The following PTPRD variants were observed in gnomAD, a reference collection of about 807,000 sequenced individuals.
The protein encoded by PTPRD is protein tyrosine phosphatase receptor type D.
A neutral mutation model predicts 214.5 loss-of-function variants in PTPRD; 34 were observed. That is an observed-to-expected ratio of 0.16 (90% CI 0.12 to 0.21). PTPRD has a LOEUF of 0.21. Ranked by LOEUF, PTPRD falls within the 10% of genes least tolerant of loss-of-function variation. The pLI, the probability that PTPRD is intolerant of heterozygous loss-of-function variation, is 1.00. For missense variants in PTPRD, 2,545 were observed against 2,398.7 expected, an observed-to-expected ratio of 1.06 and a Z score of -1.27; for synonymous variants, 1,128 against 845.7, an observed-to-expected ratio of 1.33 and a Z score of -5.79.
intron 5 of PTPRD, among the ~76,000 whole-genome samples, chr9:9,908,790 T>G (rs2078350258): frequency 1.3e-5 from 2 of 152,106 alleles, no homozygotes; most frequent in South Asian, 4.1e-4. Context: ...GAAACTTATC[T>G]TTGGGAAGTT....
chr9:9,902,911 A>G (rs564005503), intron 5 of PTPRD, among the ~76,000 whole-genome samples: 16 of 152,260 alleles, frequency 1.1e-4, no homozygotes, highest in African/African-American at 3.8e-4. Context: ...TTTGTGTAAT[A>G]TCAAAAGTGT....
chr9:8,717,308 A>G (rs954840868), intron 12 of PTPRD, among the ~76,000 whole-genome samples: 2 of 152,202 alleles, frequency 1.3e-5, no homozygotes, highest in African/African-American at 2.4e-5. Flanking sequence ...TCCCCAACCT[A>G]CGTCTCATCC....
At chr9:9,131,808 G>A (rs1444906967) in intron 10 of PTPRD, among the ~76,000 whole-genome samples, 2 of 152,182 alleles carry the variant, frequency 1.3e-5, no homozygotes, top group Non-Finnish European at 2.9e-5. Flanking sequence ...GGAGATGAAT[G>A]TACGTAGTGG....
chr9:9,927,720 T>C (rs754636478), intron 5 of PTPRD, among the ~76,000 whole-genome samples: 1 of 152,202 alleles, frequency 6.6e-6, no homozygotes, highest in Non-Finnish European at 1.5e-5. Context: ...ATACATCTAA[T>C]GCAGTGCAAT....
At chr9:8,559,015 T>C (rs982086442) in intron 14 of PTPRD, among the ~76,000 whole-genome samples, 3 of 141,664 alleles carry the variant, frequency 2.1e-5, no homozygotes, top group African/African-American at 9.6e-5. Context: ...ATGCCTGGCC[T>C]ACATTTACAT....
chr9:8,444,919 G>A (rs2095667289), intron 34 of PTPRD, among the ~76,000 whole-genome samples: 2 of 152,142 alleles, frequency 1.3e-5, no homozygotes, highest in South Asian at 4.1e-4. Flanking sequence ...CCCAGTTACT[G>A]CTGTCTACAG....
At chr9:9,640,101 T>C (rs982210283) in intron 7 of PTPRD, among the ~76,000 whole-genome samples, 3 of 152,258 alleles carry the variant, frequency 2.0e-5, no homozygotes, top group Non-Finnish European at 2.9e-5. Flanking sequence ...TTTCAGCCCA[T>C]GTGGGATGAG....
Position 8,432,830 on chromosome 9 carries a change from G to A in PTPRD, c.4086+3762C>T, listed in dbSNP as rs80346008. Among the ~76,000 whole-genome samples, 111 of 152,270 alleles carry A rather than the reference G, an allele frequency of 7.3e-4. No homozygotes were observed. In the East Asian group the frequency reaches 0.02, roughly 27 times the overall value. Reference sequence around the variant, plus strand: ...TTCATGCCCAGGGAGCTTTAATCATGGATCATCATCATGAACATCAGTGAA... The same window carrying A: ...TTCATGCCCAGGGAGCTTTAATCATAGATCATCATCATGAACATCAGTGAA... On this transcript the variant is annotated intron_variant, in intron 35 of 45. Transcript: ENST00000381196.
intron 2 of PTPRD, among the ~76,000 whole-genome samples, chr9:10,494,398 T>A (rs1406724172): frequency 6.6e-6 from 1 of 151,820 alleles, no homozygotes; most frequent in Non-Finnish European, 1.5e-5. Context: ...CATATCCACA[T>A]CATTATATGT....
At chr9:8,468,693 A>C (rs753340060) in intron 31 of PTPRD, among the ~76,000 whole-genome samples, 6 of 151,812 alleles carry the variant, frequency 4.0e-5, no homozygotes, top group Non-Finnish European at 8.8e-5. Flanking sequence ...GCCTTTCTGA[A>C]AAATTACTTG....
chr9:9,787,804 CAG>C (rs1441530004), intron 5 of PTPRD, among the ~76,000 whole-genome samples: 1 of 134,728 alleles, frequency 7.4e-6, no homozygotes, highest in Non-Finnish European at 1.7e-5. Flanking sequence ...TTATTTGAGA[CAG>C]TGTCTTGCTC....
chr9:9,820,413 A>G (rs2050306060), intron 5 of PTPRD, among the ~76,000 whole-genome samples: 1 of 151,910 alleles, frequency 6.6e-6, no homozygotes, highest in Non-Finnish European at 1.5e-5. Flanking sequence ...GGTTGTAAAC[A>G]TTTTCTCTCA....
intron 8 of PTPRD, among the ~76,000 whole-genome samples, chr9:9,557,418 T>C (rs1271662509): frequency 5.3e-5 from 8 of 152,144 alleles, no homozygotes; most frequent in East Asian, 1.9e-4. Context: ...CTGGAAGAAA[T>C]TGAAGTATTT....
intron 10 of PTPRD, among the ~76,000 whole-genome samples, chr9:9,168,428 A>G (rs1400568060): frequency 1.3e-5 from 2 of 152,048 alleles, no homozygotes; most frequent in Non-Finnish European, 2.9e-5. Flanking sequence ...TTATTTTAGT[A>G]TATTGCATGC....
intron 2 of PTPRD, among the ~76,000 whole-genome samples, chr9:10,503,193 CAAAA>C (rs753847764): frequency 1.4e-5 from 1 of 69,070 alleles, no homozygotes; most frequent in Non-Finnish European, 2.8e-5. Flanking sequence ...AGCTGCAATA[CAAAA>C]AAAAAAAAAA....
chr9:9,317,047 C>A (rs1455019141), intron 9 of PTPRD, among the ~76,000 whole-genome samples: 1 of 152,068 alleles, frequency 6.6e-6, no homozygotes, highest in African/African-American at 2.4e-5. Flanking sequence ...CTTTTTTATT[C>A]GCATATACTG....
At chr9:9,174,517 G>A (rs987645375) in intron 10 of PTPRD, among the ~76,000 whole-genome samples, 6 of 152,036 alleles carry the variant, frequency 3.9e-5, no homozygotes, top group Non-Finnish European at 8.8e-5. Context: ...GGGTTTTCAG[G>A]AGCATAATCC....
intron 10 of PTPRD, among the ~76,000 whole-genome samples, chr9:9,094,499 C>T (rs2099780710): frequency 6.6e-6 from 1 of 152,046 alleles, no homozygotes; most frequent in Non-Finnish European, 1.5e-5. Context: ...AATGATATAA[C>T]AGACTTTGGG....
intron 11 of PTPRD, among the ~76,000 whole-genome samples, chr9:8,827,036 A>G (rs1707239036): frequency 1.3e-5 from 2 of 151,956 alleles, no homozygotes. Flanking sequence ...CTACCCCTAC[A>G]CACACACATA....
Sources: gnomAD v4.1 joint callset for allele counts (sites outside exome capture counted in the v4.1 genomes callset) on GRCh38, gnomAD v4.1.1 for gene constraint, MANE v1.5 for transcripts, NCBI Gene and HGNC (gene_info 2026-07-23, HGNC 2026-07-21) for gene names.